The following HS3ST5 variants were observed in gnomAD, a reference collection of about 807,000 sequenced individuals.
HS3ST5 encodes the protein heparan sulfate glucosamine 3-O-sulfotransferase 5.
HS3ST5 carries 10 observed loss-of-function variants against 25.4 expected under a neutral mutation model. The ratio of observed to expected loss-of-function variants is 0.39; its 90% CI spans 0.24 to 0.67. The LOEUF (loss-of-function observed/expected upper bound fraction) is 0.67, where lower values mean the gene tolerates loss of function less well. Among genes scored for constraint, HS3ST5 ranks in the 30% least tolerant of loss-of-function variants. The probability of loss-of-function intolerance (pLI) is 0.44; values close to 1 mark genes in which losing one functional copy is unlikely to be tolerated. For synonymous variants in HS3ST5, 170 were observed against 162.4 expected (o/e 1.05, Z -0.36); for missense variants, 324 against 420.7 (o/e 0.77, Z 2.01).
At chr6:114,098,857 T>C (rs1775582587) in intron 3 of HS3ST5, among the ~76,000 whole-genome samples, 1 of 152,102 alleles carries the variant, frequency 6.6e-6, no homozygotes, top group Non-Finnish European at 1.5e-5. Flanking sequence ...AATATGTACA[T>C]ACACACATAT....
At chr6:114,076,852 T>C (rs1318833887) in intron 3 of HS3ST5, among the ~76,000 whole-genome samples, 1 of 152,190 alleles carries the variant, frequency 6.6e-6, no homozygotes, top group African/African-American at 2.4e-5. Context: ...TGTTAGTAGA[T>C]TAAGCAGAAA....
chr6:114,068,622 A>G (rs747917103), intron 3 of HS3ST5, among the ~76,000 whole-genome samples: 1 of 152,106 alleles, frequency 6.6e-6, no homozygotes, highest in Non-Finnish European at 1.5e-5. Flanking sequence ...TGCTTCTCCA[A>G]CCCCCAAATC....
intron 1 of HS3ST5, among the ~76,000 whole-genome samples, chr6:114,263,635 C>T (rs74760381): frequency 0.024 from 3,709 of 152,186 alleles, 74 homozygotes; most frequent in Middle Eastern, 0.075. Flanking sequence ...TTGCTGATAG[C>T]GAAAGTCCCC....
intron 3 of HS3ST5, among the ~76,000 whole-genome samples, chr6:114,141,044 G>T (rs1777878494): frequency 6.6e-6 from 1 of 152,124 alleles, no homozygotes; most frequent in Admixed American, 6.6e-5. Flanking sequence ...AAATAAAATG[G>T]CATTTTCCAA....
At chr6:114,290,689 C>T (rs571598172) in intron 1 of HS3ST5, among the ~76,000 whole-genome samples, 157 of 152,210 alleles carry the variant, frequency 1.0e-3, no homozygotes, top group Admixed American at 2.0e-3. Context: ...TCTTTCAAAA[C>T]ACAGGCTCAT....
At chr6:114,065,607 C>T (rs1050191389) in intron 3 of HS3ST5, among the ~76,000 whole-genome samples, 1 of 152,158 alleles carries the variant, frequency 6.6e-6, no homozygotes, top group South Asian at 2.1e-4. Flanking sequence ...GGTGATATTA[C>T]TATATAAAGG....
chr6:114,076,262 G>A lies in HS3ST5; in HGVS notation c.-32-13385C>T, dbSNP rs907458512. On this transcript the variant is annotated intron_variant, in intron 3 of 4. Transcript: ENST00000312719. Reference sequence around the variant, plus strand: ...AAACCACTTAACCCCCTGATCTTCTGTTTTTTCCTAGAAACAAAGGCCTGA... The same window carrying A: ...AAACCACTTAACCCCCTGATCTTCTATTTTTTCCTAGAAACAAAGGCCTGA... 5.3e-5 allele frequency among the ~76,000 whole-genome samples: 8 copies of A among 152,140 alleles called. No homozygotes were observed. The South Asian group carries it at 6.2e-4, about 12-fold the overall frequency.
At chr6:114,309,280 T>C (rs1366351761) in intron 1 of HS3ST5, among the ~76,000 whole-genome samples, 1 of 152,170 alleles carries the variant, frequency 6.6e-6, no homozygotes, top group East Asian at 1.9e-4. Context: ...AAAGTACAAA[T>C]AGAGTTGTCC....
At chr6:114,338,635 A>C (rs1671366661) in intron 1 of HS3ST5, among the ~76,000 whole-genome samples, 1 of 152,044 alleles carries the variant, frequency 6.6e-6, no homozygotes, top group Non-Finnish European at 1.5e-5. Context: ...GCTACTATGA[A>C]ATGTTTTTTA....
In HS3ST5 at chr6:114,138,981, C is replaced by G. The variant is rs545383463; in HGVS notation, c.-33+29370G>C. Among the ~76,000 whole-genome samples the G allele has an allele frequency of 9.2e-5, 14 of 152,278 alleles. No homozygotes were observed. In the South Asian group the frequency reaches 1.9e-3, roughly 20 times the overall value. On this transcript the variant is annotated intron_variant, in intron 3 of 4. Coordinates refer to ENST00000312719, the MANE Select transcript of HS3ST5 (RefSeq NM_153612.4). The stretch of plus-strand genomic sequence containing the variant: ...AAGCTACAGATCCCATTCATTAGGG[C>G]TTCAGAATGCCCCACCCCCTAATGT...
chr6:114,203,599 A>T (rs1466139110), intron 2 of HS3ST5, among the ~76,000 whole-genome samples: 2 of 152,182 alleles, frequency 1.3e-5, no homozygotes, highest in Non-Finnish European at 2.9e-5. Context: ...GCCCAAATGC[A>T]CAGCAAGGAA....
intron 1 of HS3ST5, among the ~76,000 whole-genome samples, chr6:114,294,597 C>A (rs1774733064): frequency 6.6e-6 from 1 of 152,132 alleles, no homozygotes; most frequent in African/African-American, 2.4e-5. Flanking sequence ...AGGCGCCCGC[C>A]ACTGCGCCCA....
intron 3 of HS3ST5, among the ~76,000 whole-genome samples, chr6:114,105,088 C>A (rs921427580): frequency 6.6e-6 from 1 of 152,036 alleles, no homozygotes; most frequent in Non-Finnish European, 1.5e-5. Flanking sequence ...CCAGTGCCTA[C>A]CTTATTTGAG....
At chr6:114,080,873 C>T (rs1664307082) in intron 3 of HS3ST5, among the ~76,000 whole-genome samples, 1 of 148,786 alleles carries the variant, frequency 6.7e-6, no homozygotes. Flanking sequence ...TACCCTAGAC[C>T]TCAGGGTACA....
chr6:114,094,517 T>A (rs1442685315), intron 3 of HS3ST5, among the ~76,000 whole-genome samples: 1 of 152,188 alleles, frequency 6.6e-6, no homozygotes, highest in African/African-American at 2.4e-5. Context: ...TCAGAAAGAA[T>A]GGAGTTATTC....
chr6:114,329,163 G>T (rs906528833), intron 1 of HS3ST5, among the ~76,000 whole-genome samples: 2 of 152,086 alleles, frequency 1.3e-5, no homozygotes, highest in Non-Finnish European at 2.9e-5. Flanking sequence ...CTAATTGCTG[G>T]CAAATTTGAT....
chr6:114,274,089 G>A (rs1773748020), intron 1 of HS3ST5, among the ~76,000 whole-genome samples: 1 of 152,026 alleles, frequency 6.6e-6, no homozygotes, highest in Non-Finnish European at 1.5e-5. Flanking sequence ...GGGATCTAGT[G>A]ACAACATGGT....
At chr6:114,286,950 A>G (rs1774366117) in intron 1 of HS3ST5, among the ~76,000 whole-genome samples, 2 of 151,990 alleles carry the variant, frequency 1.3e-5, no homozygotes, top group Non-Finnish European at 1.5e-5. Context: ...GAAGAAAGGT[A>G]AAAATGAAAT....
At chr6:114,286,543 C>T (rs566625745) in intron 1 of HS3ST5, among the ~76,000 whole-genome samples, 1 of 151,994 alleles carries the variant, frequency 6.6e-6, no homozygotes, top group African/African-American at 2.4e-5. Context: ...GATTAATTTG[C>T]TTAACAAATT....
Sources: allele counts gnomAD v4.1 joint callset (sites outside exome capture counted in the v4.1 genomes callset), GRCh38; gene constraint gnomAD v4.1.1; transcripts MANE v1.5; gene names NCBI Gene and HGNC (gene_info 2026-07-23, HGNC 2026-07-21).